The following CLVS1 variants were observed in gnomAD, a reference collection of about 807,000 sequenced individuals.
CLVS1 encodes the protein clavesin-1.
A neutral mutation model predicts 33.1 loss-of-function variants in CLVS1; 10 were observed. The ratio of observed to expected loss-of-function variants is 0.30; its 90% confidence interval spans 0.19 to 0.51. CLVS1 has a LOEUF of 0.51. CLVS1 is among the 20% of genes least tolerant of loss of function. The pLI is 0.97. For synonymous variants in CLVS1, 163 were observed against 166.1 expected, an observed-to-expected ratio of 0.98 and a Z score of 0.14; for missense variants, 343 against 433.4, an observed-to-expected ratio of 0.79 and a Z score of 1.85.
At chr8:61,312,520 T>C (rs191057034) in intron 2 of CLVS1, among the ~76,000 whole-genome samples, 1 of 152,368 alleles carries the variant, frequency 6.6e-6, no homozygotes, top group East Asian at 1.9e-4. Context: ...CTCACCATTT[T>C]TCTCTTCTCT....
chr8:61,477,111 G>GCA (rs1817972018), intron 5 of CLVS1, among the ~76,000 whole-genome samples: 2 of 152,104 alleles, frequency 1.3e-5, no homozygotes, highest in South Asian at 2.1e-4. Context: ...ATTGATTTTT[G>GCA]TATGTTGAAC....
chr8:61,192,190 T>C (rs1018706282), intron 2 of CLVS1, among the ~76,000 whole-genome samples: 39 of 152,066 alleles, frequency 2.6e-4, no homozygotes, highest in Non-Finnish European at 5.7e-4. Flanking sequence ...TATAGACCAA[T>C]GGAACAGAAC....
At chr8:61,490,105 C>T (rs2640234) in intron 5 of CLVS1, among the ~76,000 whole-genome samples, 4,397 of 151,818 alleles carry the variant, frequency 0.029, 73 homozygotes, top group African/African-American at 0.056. Flanking sequence ...CACTTGAGAT[C>T]GGGAGTTCAA....
intron 2 of CLVS1, among the ~76,000 whole-genome samples, chr8:61,332,480 A>G (rs1158412927): frequency 6.6e-6 from 1 of 152,150 alleles, no homozygotes; most frequent in Non-Finnish European, 1.5e-5. Flanking sequence ...CTGTTACGAC[A>G]GTGACTATTT....
chr8:61,413,097 G>A (rs753473720), intron 3 of CLVS1, among the ~76,000 whole-genome samples: 2 of 152,050 alleles, frequency 1.3e-5, no homozygotes, highest in Admixed American at 6.5e-5. Flanking sequence ...TTGTTATTTT[G>A]TTGAGGCCTT....
the CLVS1 span, among the ~76,000 whole-genome samples, chr8:61,026,123 G>A: frequency 6.6e-6 from 1 of 151,560 alleles, no homozygotes; most frequent in South Asian, 2.1e-4. Flanking sequence ...TCTTTATAGA[G>A]GTACTTAAGT....
intron 2 of CLVS1, among the ~76,000 whole-genome samples, chr8:61,162,475 C>A (rs1168246356): frequency 6.6e-6 from 1 of 152,172 alleles, no homozygotes; most frequent in Non-Finnish European, 1.5e-5. Flanking sequence ...GACTGAAAAA[C>A]CAGCAAAAAT....
At chr8:61,485,689 C>T (rs537301547) in intron 5 of CLVS1, among the ~76,000 whole-genome samples, 1 of 152,314 alleles carries the variant, frequency 6.6e-6, no homozygotes, top group African/African-American at 2.4e-5. Context: ...AGACTTAGAA[C>T]CAATCCAAAT....
At chr8:61,068,932 C>A (rs1236343405) in intron 1 of CLVS1, among the ~76,000 whole-genome samples, 18 of 152,164 alleles carry the variant, frequency 1.2e-4, no homozygotes, top group Admixed American at 1.2e-3. Flanking sequence ...CTCTGTCTTG[C>A]ATTTCCATTT....
the CLVS1 span, among the ~76,000 whole-genome samples, chr8:60,974,346 C>T: frequency 6.6e-6 from 1 of 152,320 alleles, no homozygotes; most frequent in South Asian, 2.1e-4. Context: ...GTCCCATCCT[C>T]TTCCATTTCA....
At chr8:61,351,017 T>G (rs1044562874) in intron 2 of CLVS1, among the ~76,000 whole-genome samples, 2 of 152,134 alleles carry the variant, frequency 1.3e-5, no homozygotes, top group African/African-American at 2.4e-5. Flanking sequence ...GTCAGAAACT[T>G]GTTTTCCCTT....
intron 2 of CLVS1, among the ~76,000 whole-genome samples, chr8:61,244,226 CT>C (rs1399944651): frequency 6.6e-6 from 1 of 151,370 alleles, no homozygotes; most frequent in African/African-American, 2.4e-5. Context: ...TTTAAATTTT[CT>C]TTTTTATTTC....
At chr8:61,005,829 T>C in the CLVS1 span, among the ~76,000 whole-genome samples, 2 of 152,328 alleles carry the variant, frequency 1.3e-5, no homozygotes, top group Non-Finnish European at 2.9e-5. Context: ...CAGCCTCGAC[T>C]GATTGTTCCG....
At chr8:61,364,439 G>T (rs1456357837) in intron 2 of CLVS1, among the ~76,000 whole-genome samples, 3 of 152,172 alleles carry the variant, frequency 2.0e-5, no homozygotes, top group East Asian at 1.9e-4. Context: ...CCAACAAGTT[G>T]CATTTCTATC....
At chr8:61,087,095 C>T (rs1010878788) in intron 1 of CLVS1, among the ~76,000 whole-genome samples, 14 of 152,238 alleles carry the variant, frequency 9.2e-5, no homozygotes, top group African/African-American at 3.1e-4. Flanking sequence ...CCTCCAGCTC[C>T]GAAATCAAGA....
At chr8:61,099,359 G>C (rs960722452) in intron 1 of CLVS1, among the ~76,000 whole-genome samples, 2 of 152,008 alleles carry the variant, frequency 1.3e-5, no homozygotes, top group Non-Finnish European at 2.9e-5. Flanking sequence ...AATTCAATGG[G>C]AAGCCAGGAC....
Position 61,299,988 on chromosome 8 carries a change from A to G in CLVS1, c.161A>G (p.Gln54Arg). The G allele has an allele frequency of 1.2e-6, 2 of 1,614,092 alleles. No individual in the cohort carries two copies. Among genetic ancestry groups the G allele is most frequent in the Non-Finnish European group, 1.7e-6 (2 of 1,179,972 alleles). ...CCCGATGTTTTACATCAGGATATTC[A>G]GCAAGTCAGGGACATGATCATCACC... ...ENPDVLHQDI[Q>R]QVRDMIITRP... Residue 54 changes from glutamine to arginine, a missense_variant, in exon 2 of 6, where the codon CAG becomes CGG. Gln to Arg is a conservative substitution (Grantham distance 43, BLOSUM62 1). This residue lies in a region of CLVS1 where 88 missense variants were observed against 77.3 expected (regional missense o/e 1.14). Coordinates refer to ENST00000325897, the MANE Select transcript of CLVS1 (RefSeq NM_173519.3).
At chr8:60,967,530 A>T in the CLVS1 span, 2 of 396,370 alleles carry the variant, frequency 5.0e-6, no homozygotes, top group Middle Eastern at 3.6e-4. Flanking sequence ...GCAGAAGGGG[A>T]CGGCTTGAGG....
chr8:61,232,047 T>G (rs1324893609), intron 2 of CLVS1, among the ~76,000 whole-genome samples: 12 of 144,062 alleles, frequency 8.3e-5, no homozygotes, highest in African/African-American at 2.7e-4. Context: ...TTTTTTTTTT[T>G]TTTGTGAGAT....
Sources: gnomAD v4.1 joint callset for allele counts (sites outside exome capture counted in the v4.1 genomes callset) on GRCh38, gnomAD v4.1.1 for gene constraint, gnomAD v4.1.1 regional missense constraint, MANE v1.5 for transcripts, NCBI Gene and HGNC (gene_info 2026-07-23, HGNC 2026-07-21) for gene names.